Variants in ALDH3B1 observed in about 807,000 individuals in gnomAD.
ALDH3B1 encodes aldehyde dehydrogenase family 3 member B1.
Under a neutral mutation model 46.2 loss-of-function variants are expected in ALDH3B1, and 37 were observed. The ratio of observed to expected loss-of-function variants is 0.80; its 90% CI spans 0.62 to 1.05. ALDH3B1 has a LOEUF of 1.05. ALDH3B1 is among the 50% of genes least tolerant of loss of function. The pLI, the probability that ALDH3B1 is intolerant of heterozygous loss-of-function variation, is 0.00. For missense variants in ALDH3B1, 603 were observed against 665.5 expected (o/e 0.91, Z 1.03); for synonymous variants, 283 against 281.0 (o/e 1.01, Z -0.07).
At chr11:68,015,019 C>T (rs929362963) in intron 1 of ALDH3B1, 6 of 366,200 alleles carry the variant, frequency 1.6e-5, no homozygotes, top group Non-Finnish European at 2.9e-5. Context: ...AGCCCACACC[C>T]AGTCCTGCAG....
rs373682608 is a variant in ALDH3B1, at chr11:68,021,608, C to T, written c.686C>T (p.Ala229Val). The T allele has an allele frequency of 1.9e-6, 3 of 1,613,976 alleles. No homozygotes were observed. Among genetic ancestry groups the T allele is most frequent in the African/African-American group, 1.3e-5 (1 of 74,914 alleles). Residue 229 changes from alanine to valine, a missense_variant, in exon 7 of 10, where the codon GCC (alanine) becomes GTC (valine). Physicochemically the swap from Ala to Val is moderately conservative, Grantham distance 64 (BLOSUM62 0). Coordinates refer to ENST00000342456, the MANE Select transcript of ALDH3B1 (RefSeq NM_000694.4). ...VDDNCDPQTV[A>V]NRVAWFRYFN... Reference sequence around the variant, plus strand: ...GACAACTGCGACCCCCAGACCGTGGCCAACCGCGTGGCCTGGTTCCGCTAC... The same window carrying T: ...GACAACTGCGACCCCCAGACCGTGGTCAACCGCGTGGCCTGGTTCCGCTAC...
chr11:68,012,657 G>C (rs1003850441), intron 1 of ALDH3B1, among the ~76,000 whole-genome samples: 1 of 152,184 alleles, frequency 6.6e-6, no homozygotes, highest in Non-Finnish European at 1.5e-5. Context: ...AATCCAAACA[G>C]CAAGAGACCT....
chr11:68,025,139 G>T (rs914197986), intron 8 of ALDH3B1: 1 of 152,224 alleles, frequency 6.6e-6, no homozygotes, highest in African/African-American at 2.4e-5. Flanking sequence ...AGGACACACA[G>T]TCACACCTAA....
At position 68,021,528 on chromosome 11, in the gene ALDH3B1, G is replaced by C; in HGVS notation, c.606G>C (p.Lys202Asn). Residue 202 changes from lysine (K) to asparagine (N), a missense_variant, in exon 7 of 10, where the codon AAG becomes AAC. Coordinates refer to ENST00000342456, the MANE Select transcript of ALDH3B1 (RefSeq NM_000694.4). ...AGATTGTTATGACTGCTGCCGCCAA[G>C]CACCTGACACCTGTCACCCTGGAGC... ...VGKIVMTAAAKHLTPVTLELG... is the reference protein window; with the variant it reads ...VGKIVMTAAANHLTPVTLELG... 2 of 1,613,918 alleles carry C rather than the reference G, an allele frequency of 1.2e-6. No individual in the cohort carries two copies. Among genetic ancestry groups the C allele is most frequent in the Non-Finnish European group, 1.7e-6 (2 of 1,179,908 alleles).
At chr11:68,009,613 G>T (rs186009505), upstream of ALDH3B1, among the ~76,000 whole-genome samples, 1 of 152,248 alleles carries the variant, frequency 6.6e-6, no homozygotes, top group African/African-American at 2.4e-5. Context: ...GGCTGCATGC[G>T]TCAGCTAACA....
At chr11:68,010,016 G>A (rs1206933506), upstream of ALDH3B1, among the ~76,000 whole-genome samples, 1 of 152,020 alleles carries the variant, frequency 6.6e-6, no homozygotes, top group Non-Finnish European at 1.5e-5. Context: ...GATTCCCAGG[G>A]CCCACTGCCC....
intron 1 of ALDH3B1, among the ~76,000 whole-genome samples, chr11:68,010,694 G>A (rs937618291): frequency 1.3e-5 from 2 of 152,188 alleles, no homozygotes; most frequent in South Asian, 2.1e-4. Context: ...CACCCTCCAA[G>A]GGAACCAAGG....
chr11:68,021,557 G>T lies in ALDH3B1; in HGVS notation c.635G>T (p.Gly212Val). 1 of 1,614,084 alleles carries T rather than the reference G, an allele frequency of 6.2e-7. No individual in the cohort carries two copies. Among genetic ancestry groups the T allele is most frequent in the Non-Finnish European group, 8.5e-7 (1 of 1,179,990 alleles). Residue 212 changes from glycine to valine, a missense_variant, in exon 7 of 10, where the codon GGG (glycine) becomes GTG (valine). By Grantham distance (109) the Gly-to-Val change is moderately radical (BLOSUM62 -3). Coordinates refer to ENST00000342456, the MANE Select transcript of ALDH3B1 (RefSeq NM_000694.4). ...KHLTPVTLELGGKNPCYVDDN... is the reference protein window; with the variant it reads ...KHLTPVTLELVGKNPCYVDDN... ...CTGACACCTGTCACCCTGGAGCTGG[G>T]GGGCAAGAACCCTTGCTACGTGGAC...
chr11:68,020,380 T>C (rs1857461399), intron 6 of ALDH3B1, among the ~76,000 whole-genome samples: 1 of 152,110 alleles, frequency 6.6e-6, no homozygotes, highest in South Asian at 2.1e-4. Context: ...GTGACAGGCA[T>C]GTACCACCAC....
Position 68,015,504 on chromosome 11 carries a change from G to A in ALDH3B1, c.162+45G>A, listed in dbSNP as rs528494631. ...ATGAGAGGGTGCACTGGGGCAGGGG[G>A]GCATGGAGGGCAGCTGGGACAGCAG... On this transcript the variant is annotated intron_variant, in intron 2 of 9. Transcript: ENST00000342456. 9.9e-5 allele frequency: 154 copies of A among 1,556,386 alleles called. 1 individual carries two copies. The highest frequency in any genetic ancestry group is 1.3e-4 in the Non-Finnish European group (146 of 1,150,190).
At position 68,021,879 on chromosome 11, in the gene ALDH3B1, C is replaced by G. The variant is rs1425531973; in HGVS notation, c.949+8C>G. ...AGAGCGATCGCTACATCGGTGAGTCCTGCTGCCCCTACCACAGCCCACCTG... is the reference window on the plus strand; with the variant it reads ...AGAGCGATCGCTACATCGGTGAGTCGTGCTGCCCCTACCACAGCCCACCTG... On this transcript the variant is annotated splice_region_variant and intron_variant, in intron 7 of 9. Coordinates refer to ENST00000342456, the MANE Select transcript of ALDH3B1 (RefSeq NM_000694.4). The G allele has an allele frequency of 6.3e-7, 1 of 1,583,718 alleles. No individual in the cohort carries two copies. Among genetic ancestry groups the G allele is most frequent in the Non-Finnish European group, 8.6e-7 (1 of 1,163,268 alleles).
At chr11:68,015,817 G>C (rs879620890) in intron 2 of ALDH3B1, 2 of 380,222 alleles carry the variant, frequency 5.3e-6, no homozygotes, top group Non-Finnish European at 1.0e-5. Flanking sequence ...TGTAGTCCCA[G>C]CACTTTGGGA....
Position 68,022,630 on chromosome 11 carries a change from C to T in ALDH3B1, c.985C>T (p.Pro329Ser). Residue 329 changes from proline to serine, a missense_variant, in exon 8 of 10, where the codon CCT becomes TCT. By Grantham distance (74) the Pro-to-Ser change is moderately conservative. Coordinates refer to ENST00000342456, the MANE Select transcript of ALDH3B1 (RefSeq NM_000694.4). The part of the protein sequence containing the change: ...TVLVDVQEME[P>S]VMQEEIFGPI... ...GCTGGTGGATGTGCAGGAGATGGAG[C>T]CTGTGATGCAGGAGGAGATCTTCGG... The T allele has an allele frequency of 6.2e-7, 1 of 1,613,998 alleles. No individual in the cohort carries two copies. The highest frequency in any genetic ancestry group is 8.5e-7 in the Non-Finnish European group (1 of 1,180,004).
At chr11:68,009,577 G>A (rs1857190414), upstream of ALDH3B1, among the ~76,000 whole-genome samples, 2 of 152,252 alleles carry the variant, frequency 1.3e-5, no homozygotes, top group African/African-American at 2.4e-5. Flanking sequence ...GTGATAAATC[G>A]AGCAAGCTCG....
chr11:68,018,200 G>A (rs1043844254), intron 2 of ALDH3B1: 6 of 354,108 alleles, frequency 1.7e-5, no homozygotes, highest in African/African-American at 6.3e-5. Flanking sequence ...ACCTGTGCAC[G>A]CCCACAGCCA....
intron 9 of ALDH3B1, among the ~76,000 whole-genome samples, chr11:68,026,402 T>C (rs916394203): frequency 4.6e-5 from 7 of 152,200 alleles, no homozygotes; most frequent in African/African-American, 1.7e-4. Flanking sequence ...ATGATCACAC[T>C]GCCCACTGCG....
At chr11:68,014,048 C>T (rs550272787) in intron 1 of ALDH3B1, among the ~76,000 whole-genome samples, 47 of 152,330 alleles carry the variant, frequency 3.1e-4, no homozygotes, top group African/African-American at 1.1e-3. Flanking sequence ...CACAGCCTTG[C>T]GCTCACCGAT....
rs550091247 is a variant in ALDH3B1, at chr11:68,028,666, G to A, written c.*727G>A. ...AACTCCGGCCTGGGTGACAGAAGGA[G>A]GCTCTGCCTTAAAAAAAAAAAAAAA... is the stretch of plus-strand genomic sequence containing the variant. On this transcript the variant is annotated 3_prime_UTR_variant, in exon 10 of 10. Coordinates refer to ENST00000342456, the MANE Select transcript of ALDH3B1 (RefSeq NM_000694.4). 7.3e-6 allele frequency: 1 copy of A among 137,768 alleles called. No individual in the cohort carries two copies. The highest frequency in any genetic ancestry group is 1.5e-5 in the Non-Finnish European group (1 of 65,074). 8.5% of individuals were successfully genotyped at this position (137,768 alleles called of 1,614,324 possible).
rs547421867 is a variant in ALDH3B1, at chr11:68,014,640, G to T, written c.-1-657G>T. ...CAGCCCCGGCAGGGTGGGCAGCAGG[G>T]CCTCCAGGAGGCCCGAGGTGTTCTC... is the stretch of plus-strand genomic sequence containing the variant. On this transcript the variant is annotated intron_variant, in intron 1 of 9. Coordinates refer to ENST00000342456, the MANE Select transcript of ALDH3B1 (RefSeq NM_000694.4). 2.6e-5 allele frequency among the ~76,000 whole-genome samples: 4 copies of T among 152,350 alleles called. No homozygotes were observed. In the East Asian group the frequency reaches 5.8e-4, roughly 22 times the overall value.
Sources: gnomAD v4.1 joint callset for allele counts (sites outside exome capture counted in the v4.1 genomes callset) on GRCh38, gnomAD v4.1.1 for gene constraint, MANE v1.5 for transcripts, NCBI Gene and HGNC (gene_info 2026-07-23, HGNC 2026-07-21) for gene names.